Variants in TENM2 observed in about 807,000 individuals in gnomAD.
TENM2 encodes teneurin transmembrane protein 2, also known as teneurin-2.
In TENM2, 52 loss-of-function variants were observed where a neutral mutation model predicts 245.2. The observed-to-expected ratio is 0.21, with a 90% CI of 0.17 to 0.27. TENM2 has a LOEUF of 0.27. Ranked by LOEUF, TENM2 falls within the 10% of genes least tolerant of loss-of-function variation. The pLI, the probability that TENM2 is intolerant of heterozygous loss-of-function variation, is 1.00. For missense variants in TENM2, 3,046 were observed against 3,666.8 expected, an observed-to-expected ratio of 0.83 and a Z score of 4.37; for synonymous variants, 1,363 against 1,438.9, an observed-to-expected ratio of 0.95 and a Z score of 1.19.
intron 2 of TENM2, among the ~76,000 whole-genome samples, chr5:167,772,454 T>C (rs1272772163): frequency 6.6e-6 from 1 of 152,046 alleles, no homozygotes; most frequent in East Asian, 1.9e-4. Context: ...GCAGCATGGC[T>C]CTCTATTCAT....
chr5:167,170,316 T>A, the TENM2 span, among the ~76,000 whole-genome samples: 3 of 152,196 alleles, frequency 2.0e-5, no homozygotes, highest in African/African-American at 7.2e-5. Flanking sequence ...AATAGGATTT[T>A]GTTTGAATCT....
At chr5:167,646,530 T>C (rs1779976701) in intron 2 of TENM2, among the ~76,000 whole-genome samples, 1 of 151,678 alleles carries the variant, frequency 6.6e-6, no homozygotes, top group Non-Finnish European at 1.5e-5. Context: ...TATGAGACAA[T>C]TGGTACTAAA....
At chr5:167,015,253 C>T in the TENM2 span, among the ~76,000 whole-genome samples, 2 of 152,192 alleles carry the variant, frequency 1.3e-5, no homozygotes, top group Admixed American at 6.5e-5. Flanking sequence ...CTTCAAAATG[C>T]CGTACTCTTC....
chr5:168,149,853 A>G (rs981189421), intron 12 of TENM2, among the ~76,000 whole-genome samples: 1 of 152,172 alleles, frequency 6.6e-6, no homozygotes, highest in Non-Finnish European at 1.5e-5. Flanking sequence ...CTGTCCTTCC[A>G]ACACCCCAAG....
At chr5:168,009,845 GC>G (rs1422888437) in intron 5 of TENM2, among the ~76,000 whole-genome samples, 1 of 152,184 alleles carries the variant, frequency 6.6e-6, no homozygotes, top group African/African-American at 2.4e-5. Flanking sequence ...TGGCCATGAA[GC>G]CAGACATCCC....
chr5:168,223,492 G>A (rs1320049599), intron 23 of TENM2, among the ~76,000 whole-genome samples: 4 of 139,484 alleles, frequency 2.9e-5, no homozygotes, highest in African/African-American at 8.5e-5. Flanking sequence ...TTTTTGAGAC[G>A]GAGTCTTGCT....
intron 5 of TENM2, among the ~76,000 whole-genome samples, chr5:168,014,874 C>T (rs944525372): frequency 1.4e-4 from 22 of 152,226 alleles, no homozygotes; most frequent in East Asian, 5.8e-4. Flanking sequence ...AGCATAATGG[C>T]GCCATTTCCA....
chr5:167,146,292 A>G, the TENM2 span, among the ~76,000 whole-genome samples: 1 of 152,188 alleles, frequency 6.6e-6, no homozygotes, highest in Non-Finnish European at 1.5e-5. Flanking sequence ...TTCATTAACT[A>G]AGAGTTAATT....
At chr5:168,124,338 A>G (rs984882197) in intron 10 of TENM2, among the ~76,000 whole-genome samples, 2 of 152,244 alleles carry the variant, frequency 1.3e-5, no homozygotes, top group Admixed American at 6.5e-5. Context: ...AAAGTGACTC[A>G]TAAGTTTCAT....
chr5:167,882,567 G>C (rs888226076), intron 3 of TENM2, among the ~76,000 whole-genome samples: 2 of 152,198 alleles, frequency 1.3e-5, no homozygotes, highest in African/African-American at 4.8e-5. Context: ...TGCATGGCTG[G>C]AAAGGCCTAA....
chr5:167,246,148 G>A, the TENM2 span, among the ~76,000 whole-genome samples: 3 of 152,200 alleles, frequency 2.0e-5, no homozygotes, highest in African/African-American at 2.4e-5. Context: ...TCCTTTCTAC[G>A]GCAAGAGAGG....
intron 2 of TENM2, among the ~76,000 whole-genome samples, chr5:167,627,653 G>C (rs1778597422): frequency 6.6e-6 from 1 of 151,666 alleles, no homozygotes; most frequent in Non-Finnish European, 1.5e-5. Context: ...CACCTCCCAG[G>C]TTCAAGTGAT....
chr5:167,724,665 A>C (rs1469831522), intron 2 of TENM2, among the ~76,000 whole-genome samples: 1 of 152,200 alleles, frequency 6.6e-6, no homozygotes, highest in Non-Finnish European at 1.5e-5. Flanking sequence ...CTTCAGGTTG[A>C]GTTATCAGAG....
chr5:168,044,947 G>T (rs1451450907), intron 5 of TENM2, among the ~76,000 whole-genome samples: 1 of 147,904 alleles, frequency 6.8e-6, no homozygotes, highest in Non-Finnish European at 1.5e-5. Context: ...AAAAAAAAGT[G>T]CCAACAAAAA....
intron 25 of TENM2, among the ~76,000 whole-genome samples, chr5:168,238,225 AAAAGAAAAGAAAAG>A (rs1323290588): frequency 3.3e-4 from 22 of 66,636 alleles, no homozygotes; most frequent in Non-Finnish European, 4.7e-4. Flanking sequence ...GAGAGAGAAG[AAAAGAAAAGAAAAG>A]AAAAGAAAAG....
At chr5:167,262,891 C>T in the TENM2 span, among the ~76,000 whole-genome samples, 253 of 152,226 alleles carry the variant, frequency 1.7e-3, 1 homozygote, top group Non-Finnish European at 2.0e-3. Context: ...GTTCTAGGGG[C>T]TGAGAAGTCC....
the TENM2 span, among the ~76,000 whole-genome samples, chr5:167,068,766 G>A: frequency 6.6e-6 from 1 of 151,924 alleles, no homozygotes; most frequent in East Asian, 1.9e-4. Flanking sequence ...GACTGGTTTT[G>A]GTATATACAG....
intron 28 of TENM2, 60 bp from the exon 31 acceptor site, chr5:168,261,989 C>G: frequency 9.7e-6 from 15 of 1,539,866 alleles, no homozygotes; most frequent in Non-Finnish European, 1.3e-5. Context: ...CTTTGTGACT[C>G]TTTTTGAGAG....
chr5:167,394,678 C>T (rs1271606471), intron 2 of TENM2, among the ~76,000 whole-genome samples: 1 of 151,998 alleles, frequency 6.6e-6, no homozygotes, highest in Non-Finnish European at 1.5e-5. Flanking sequence ...AGGAGGCAAC[C>T]TCTACCTCCT....
Sources: gnomAD v4.1 joint callset for allele counts (sites outside exome capture counted in the v4.1 genomes callset) on GRCh38, gnomAD v4.1.1 for gene constraint, MANE v1.5 for transcripts, NCBI Gene and HGNC (gene_info 2026-07-23, HGNC 2026-07-21) for gene names.